SDK1: variants seen among roughly 807,000 people sequenced by gnomAD.
SDK1 encodes the protein protein sidekick-1.
SDK1 carries 157 observed loss-of-function variants against 245.5 expected under a neutral mutation model. The observed-to-expected ratio is 0.64, with a 90% confidence interval of 0.56 to 0.73. The LOEUF (loss-of-function observed/expected upper bound fraction) is 0.73. Among genes scored for constraint, SDK1 ranks in the 30% least tolerant of loss-of-function variants. SDK1 has a pLI of 0.00. For synonymous variants in SDK1, 1,647 were observed against 1,278.5 expected (o/e 1.29, Z -6.15); for missense variants, 3,583 against 3,002.3 (o/e 1.19, Z -4.52).
intron 1 of SDK1, among the ~76,000 whole-genome samples, chr7:3,414,235 G>T (rs1453495131): frequency 6.6e-6 from 1 of 152,156 alleles, no homozygotes; most frequent in Non-Finnish European, 1.5e-5. Flanking sequence ...AGGTTGGGGT[G>T]CGGAGGAGGA....
intron 40 of SDK1, among the ~76,000 whole-genome samples, chr7:4,232,402 CT>C (rs1234788967): frequency 6.1e-5 from 4 of 65,066 alleles, no homozygotes; most frequent in East Asian, 3.3e-4. Flanking sequence ...CTTTTCTTTT[CT>C]TTTCTTTCTT....
intron 14 of SDK1, among the ~76,000 whole-genome samples, chr7:3,993,558 T>C (rs2128141770): frequency 6.6e-6 from 1 of 152,374 alleles, no homozygotes; most frequent in South Asian, 2.1e-4. Flanking sequence ...ATTTGTACTT[T>C]TTATTATTCT....
At chr7:3,332,393 G>A (rs1393766123) in intron 1 of SDK1, among the ~76,000 whole-genome samples, 1 of 152,184 alleles carries the variant, frequency 6.6e-6, no homozygotes, top group Non-Finnish European at 1.5e-5. Context: ...TATCTTATCT[G>A]TATGTAAATT....
chr7:3,786,997 G>A (rs567201915), intron 4 of SDK1, among the ~76,000 whole-genome samples: 50 of 152,150 alleles, frequency 3.3e-4, no homozygotes, highest in African/African-American at 1.1e-3. Flanking sequence ...ACTCTGACAA[G>A]CAGAATTGAT....
chr7:3,975,594 G>C (rs1782859771), intron 13 of SDK1, among the ~76,000 whole-genome samples: 1 of 152,212 alleles, frequency 6.6e-6, no homozygotes, highest in Non-Finnish European at 1.5e-5. Context: ...CTAAGCATGT[G>C]GCTTCTGTGT....
At chr7:4,247,871 G>A (rs1786998097) in intron 44 of SDK1, among the ~76,000 whole-genome samples, 1 of 152,162 alleles carries the variant, frequency 6.6e-6, no homozygotes, top group Non-Finnish European at 1.5e-5. Flanking sequence ...AGAGCTCAGT[G>A]TACCCCTTCC....
At chr7:3,929,978 T>A (rs1779915563) in intron 5 of SDK1, among the ~76,000 whole-genome samples, 1 of 152,100 alleles carries the variant, frequency 6.6e-6, no homozygotes, top group Admixed American at 6.5e-5. Flanking sequence ...TGTTTTTATT[T>A]TTTATTTATT....
rs999269576 is a variant in SDK1, at chr7:3,367,095, G to A, written c.298+65211G>A. ...ATTATTTATTTGGAAGATAAGTTGT[G>A]AAAGTTACTTCCCAGTTTGCCATTG... On this transcript the variant is annotated intron_variant, in intron 1 of 44. Transcript: ENST00000404826. 3.9e-5 allele frequency among the ~76,000 whole-genome samples: 6 copies of A among 152,068 alleles called. No homozygotes were observed. The East Asian group carries it at 1.2e-3, about 29-fold the overall frequency.
intron 30 of SDK1, among the ~76,000 whole-genome samples, chr7:4,151,909 A>G (rs1780408630): frequency 6.6e-6 from 1 of 152,238 alleles, no homozygotes; most frequent in South Asian, 2.1e-4. Context: ...TCAAGGCTCC[A>G]TAGACACAGT....
chr7:4,003,050 C>T (rs1785192608), intron 14 of SDK1, among the ~76,000 whole-genome samples: 1 of 152,238 alleles, frequency 6.6e-6, no homozygotes. Context: ...CAGCATGAGC[C>T]ATGTCTGGGA....
Position 3,969,418 on chromosome 7 carries a change from G to C in SDK1, c.1708G>C (p.Val570Leu). Residue 570 changes from valine (V) to leucine (L), a missense_variant, in exon 11 of 45, where the codon GTG (valine) becomes CTG (leucine). Transcript: ENST00000404826. The part of the protein sequence containing the change: ...GSLNASATLT[V>L]WNRTSIVHPP... ...CCTGAATGCATCGGCCACGCTCACTGTGTGGAGTAAGGAGCAGCCCTCGCA... is the reference window on the plus strand; with the variant it reads ...CCTGAATGCATCGGCCACGCTCACTCTGTGGAGTAAGGAGCAGCCCTCGCA... 1 of 1,593,512 alleles carries C rather than the reference G, an allele frequency of 6.3e-7. No homozygotes were observed. The highest frequency in any genetic ancestry group is 8.6e-7 in the Non-Finnish European group (1 of 1,169,264).
intron 5 of SDK1, among the ~76,000 whole-genome samples, chr7:3,825,119 C>T (rs531063328): frequency 6.6e-6 from 1 of 152,236 alleles, no homozygotes; most frequent in Admixed American, 6.5e-5. Context: ...GGCCAGCTCC[C>T]ACTGCTCAGG....
intron 1 of SDK1, among the ~76,000 whole-genome samples, chr7:3,573,463 C>A (rs1203252591): frequency 6.8e-6 from 1 of 146,696 alleles, no homozygotes; most frequent in Non-Finnish European, 1.5e-5. Flanking sequence ...GGAAGACAGG[C>A]TTTGGGGAGC....
At chr7:3,789,592 AGTG>A (rs1050734271) in intron 4 of SDK1, among the ~76,000 whole-genome samples, 1 of 152,252 alleles carries the variant, frequency 6.6e-6, no homozygotes, top group African/African-American at 2.4e-5. Flanking sequence ...AAAAAAGAAA[AGTG>A]GTGACAGGTT....
chr7:3,937,528 A>C (rs2128119839), intron 5 of SDK1, among the ~76,000 whole-genome samples: 2 of 152,310 alleles, frequency 1.3e-5, no homozygotes, highest in East Asian at 3.9e-4. Context: ...ACAAAATCGC[A>C]GGTCCGTTTG....
At chr7:4,198,199 G>T (rs900439540) in intron 35 of SDK1, among the ~76,000 whole-genome samples, 2 of 152,144 alleles carry the variant, frequency 1.3e-5, no homozygotes, top group Non-Finnish European at 2.9e-5. Flanking sequence ...TTTCCTGCAG[G>T]GTGTCACAGA....
chr7:3,406,971 G>T (rs1779071083), intron 1 of SDK1, among the ~76,000 whole-genome samples: 1 of 127,870 alleles, frequency 7.8e-6, no homozygotes, highest in Non-Finnish European at 1.6e-5. Flanking sequence ...AGACAAGATT[G>T]AATAAACTAG....
chr7:4,056,470 G>C (rs182778781), intron 19 of SDK1, among the ~76,000 whole-genome samples: 6 of 152,272 alleles, frequency 3.9e-5, no homozygotes, highest in African/African-American at 1.2e-4. Flanking sequence ...ATAGAGAAGT[G>C]ACAGGAAGCA....
intron 5 of SDK1, among the ~76,000 whole-genome samples, chr7:3,884,756 C>G (rs945145899): frequency 6.6e-6 from 1 of 152,202 alleles, no homozygotes; most frequent in Non-Finnish European, 1.5e-5. Flanking sequence ...GTGGTTAGAT[C>G]TCTATAAATA....
Sources: gnomAD v4.1 joint callset for allele counts (sites outside exome capture counted in the v4.1 genomes callset) on GRCh38, gnomAD v4.1.1 for gene constraint, MANE v1.5 for transcripts, NCBI Gene and HGNC (gene_info 2026-07-23, HGNC 2026-07-21) for gene names.